The following GRAMD1C variants were observed in gnomAD, a reference collection of about 807,000 sequenced individuals.
GRAMD1C encodes the protein protein Aster-C.
A neutral mutation model predicts 97.8 loss-of-function variants in GRAMD1C; 89 were observed. That is an observed-to-expected ratio of 0.91 (90% CI 0.77 to 1.09). The LOEUF is 1.09. Ranked by LOEUF, GRAMD1C falls within the 50% of genes least tolerant of loss-of-function variation. GRAMD1C has a pLI of 0.00. For synonymous variants in GRAMD1C, 256 were observed against 267.0 expected, an observed-to-expected ratio of 0.96 and a Z score of 0.40; for missense variants, 740 against 766.4, an observed-to-expected ratio of 0.97 and a Z score of 0.41.
At chr3:113,930,526 C>T (rs1232496163) in intron 10 of GRAMD1C, among the ~76,000 whole-genome samples, 188 bp from the exon 11 acceptor site, 11 of 152,176 alleles carry the variant, frequency 7.2e-5, no homozygotes. Flanking sequence ...GAATATGCCA[C>T]ATTTAAGGAG....
At chr3:113,919,084 A>G (rs970726522) in intron 10 of GRAMD1C, 1 of 165,408 alleles carries the variant, frequency 6.0e-6, no homozygotes, top group African/African-American at 2.4e-5. Flanking sequence ...TGTGGATTAA[A>G]TCTAATTCCA....
chr3:113,840,263 C>T (rs1709748982), intron 1 of GRAMD1C, among the ~76,000 whole-genome samples: 1 of 152,246 alleles, frequency 6.6e-6, no homozygotes, highest in Non-Finnish European at 1.5e-5. Context: ...ACCACCGCGC[C>T]CGGCCCTGAA....
At chr3:113,907,383 C>T (rs1306342835) in intron 8 of GRAMD1C, among the ~76,000 whole-genome samples, 2 of 152,140 alleles carry the variant, frequency 1.3e-5, no homozygotes, top group Admixed American at 1.3e-4. Context: ...CATCTAGAGA[C>T]CCTTAGTGAC....
intron 2 of GRAMD1C, chr3:113,850,229 C>T (rs911326149): frequency 1.2e-5 from 7 of 569,808 alleles, no homozygotes; most frequent in Middle Eastern, 5.2e-4. Context: ...TAATAATACT[C>T]TCCAGTTTTA....
At chr3:113,905,916 C>T (rs141968570) in intron 8 of GRAMD1C, among the ~76,000 whole-genome samples, 1 of 152,084 alleles carries the variant, frequency 6.6e-6, no homozygotes, top group Non-Finnish European at 1.5e-5. Flanking sequence ...AGGCTGGTCT[C>T]GAACACCTAA....
At chr3:113,898,878 G>C (rs1222257242) in intron 6 of GRAMD1C, among the ~76,000 whole-genome samples, 1 of 151,976 alleles carries the variant, frequency 6.6e-6, no homozygotes, top group Non-Finnish European at 1.5e-5. Flanking sequence ...TGCTCTTGTG[G>C]AATCCTGGTA....
At chr3:113,914,365 A>G (rs1461315619) in intron 9 of GRAMD1C, among the ~76,000 whole-genome samples, 1 of 152,224 alleles carries the variant, frequency 6.6e-6, no homozygotes, top group Non-Finnish European at 1.5e-5. Flanking sequence ...CCTCTAGCAA[A>G]ATAGGGAGAC....
intron 6 of GRAMD1C, among the ~76,000 whole-genome samples, chr3:113,883,506 C>CAA (rs1209213512): frequency 6.9e-6 from 1 of 144,314 alleles, no homozygotes; most frequent in Non-Finnish European, 1.5e-5. Context: ...GCCTGGGTGA[C>CAA]AGAGTGAGAT....
intron 2 of GRAMD1C, among the ~76,000 whole-genome samples, chr3:113,858,397 T>G (rs1488914709): frequency 1.4e-5 from 2 of 145,232 alleles, no homozygotes; most frequent in Non-Finnish European, 3.0e-5. Context: ...CAGCTACATT[T>G]TTTTTTTTTT....
chr3:113,860,543 A>G (rs563994217), intron 2 of GRAMD1C, among the ~76,000 whole-genome samples: 2 of 152,312 alleles, frequency 1.3e-5, no homozygotes, highest in Admixed American at 6.5e-5. Context: ...CCAAGCTCCT[A>G]TGGATATGCA....
At chr3:113,915,919 T>C (rs891764646) in intron 10 of GRAMD1C, 81 bp downstream of exon 10, 9 of 1,090,682 alleles carry the variant, frequency 8.3e-6, no homozygotes, top group Non-Finnish European at 1.2e-5. Flanking sequence ...ATAAACTGAT[T>C]TATGTTGTGA....
intron 5 of GRAMD1C, 107 bp from the exon 6 acceptor site, chr3:113,882,645 C>A: frequency 1.5e-6 from 1 of 653,410 alleles, no homozygotes; most frequent in Non-Finnish European, 2.8e-6. Context: ...GCAGTGTTGA[C>A]CTACTAGTTT....
chr3:113,941,921 C>CT (rs1400274107), intron 17 of GRAMD1C, among the ~76,000 whole-genome samples: 5,737 of 129,382 alleles, frequency 0.044, 423 homozygotes, highest in African/African-American at 0.15. Flanking sequence ...GCCCGGCCAT[C>CT]TTTTTTTTTT....
chr3:113,900,523 C>T (rs965310113), intron 6 of GRAMD1C, among the ~76,000 whole-genome samples: 4 of 150,170 alleles, frequency 2.7e-5, no homozygotes, highest in Admixed American at 6.6e-5. Flanking sequence ...TGGGTTCAAT[C>T]GATTCTCCTG....
intron 7 of GRAMD1C, among the ~76,000 whole-genome samples, chr3:113,902,710 G>A (rs1049592687): frequency 2.0e-5 from 3 of 152,006 alleles, no homozygotes; most frequent in Non-Finnish European, 4.4e-5. Flanking sequence ...ACAGTGGTGC[G>A]ATCTTGGCTC....
At chr3:113,917,267 T>C (rs368129829) in intron 10 of GRAMD1C, among the ~76,000 whole-genome samples, 36 of 152,352 alleles carry the variant, frequency 2.4e-4, no homozygotes, top group African/African-American at 8.7e-4. Flanking sequence ...GCAGCAGAGA[T>C]TCATATAAAG....
chr3:113,850,514 A>G, intron 2 of GRAMD1C: 4 of 1,583,784 alleles, frequency 2.5e-6, no homozygotes, highest in Admixed American at 1.7e-5. Flanking sequence ...GGATGCCCTC[A>G]TTGGTAAGGT....
chr3:113,909,228 C>A (rs1310843063), intron 9 of GRAMD1C, 108 bp downstream of exon 9: 1 of 498,326 alleles, frequency 2.0e-6, no homozygotes, highest in African/African-American at 2.0e-5. Context: ...GACACAGTCT[C>A]ACCCTATAAA....
intron 1 of GRAMD1C, among the ~76,000 whole-genome samples, chr3:113,828,564 C>A (rs1216108168): frequency 1.3e-5 from 2 of 152,158 alleles, no homozygotes. Flanking sequence ...GACTCTTTTC[C>A]TTCACTCTTC....
Sources: gnomAD v4.1 joint callset for allele counts (sites outside exome capture counted in the v4.1 genomes callset) on GRCh38, gnomAD v4.1.1 for gene constraint, MANE v1.5 for transcripts, NCBI Gene and HGNC (gene_info 2026-07-23, HGNC 2026-07-21) for gene names.